Variants in RNF6 observed in about 807,000 individuals in gnomAD.
The protein encoded by RNF6 is ring finger protein 6.
RNF6 carries 21 observed loss-of-function variants against 50.1 expected under a neutral mutation model. The observed-to-expected ratio is 0.42, with a 90% CI of 0.30 to 0.60. The LOEUF is 0.60. RNF6 is among the 20% of genes least tolerant of loss of function. RNF6 has a pLI of 0.20. For missense variants in RNF6, 698 were observed against 838.2 expected (o/e 0.83, Z 2.07); for synonymous variants, 255 against 291.8 (o/e 0.87, Z 1.29).
Position 26,214,711 on chromosome 13 carries a change from C to T in RNF6, c.1171G>A (p.Val391Ile), listed in dbSNP as rs1318922119. ...AGTGTGATTGTTGGATGTCGTCGTA[C>T]AGCAGTTGAGGATCTGCTGGATTCT... is the stretch of plus-strand genomic sequence containing the variant. ...GEESSRSSTAVRRHPTITLDL... is the reference protein window; with the variant it reads ...GEESSRSSTAIRRHPTITLDL... Residue 391 changes from valine to isoleucine, a missense_variant, in exon 5 of 5, where the codon GTA (valine) becomes ATA (isoleucine). Val to Ile is a conservative substitution (Grantham distance 29). Transcript: ENST00000381588. 1 of 1,614,106 alleles carries T rather than the reference C, an allele frequency of 6.2e-7. No individual in the cohort carries two copies. The highest frequency in any genetic ancestry group is 1.3e-5 in the African/African-American group (1 of 74,940).
At chr13:26,147,962 T>C (rs1201185832) in intron 5 of RNF6, among the ~76,000 whole-genome samples, 2 of 152,294 alleles carry the variant, frequency 1.3e-5, no homozygotes, top group Non-Finnish European at 2.9e-5. Context: ...GAGTGATATA[T>C]AGTGTATTAG....
At chr13:26,189,925 C>T (rs191420935) in intron 5 of RNF6, among the ~76,000 whole-genome samples, 2 of 152,270 alleles carry the variant, frequency 1.3e-5, no homozygotes, top group Admixed American at 1.3e-4. Flanking sequence ...GGAAAATAGC[C>T]TTAAAGATCA....
At position 26,173,256 on chromosome 13, in the gene RNF6, G is replaced by A. The variant is rs373866676; in HGVS notation, n.769-40805C>T. ...CTCATACATGTATGCAAGAAGTTAC[G>A]AACAAAGATATGCATTTCAGCCGTG... On this transcript the variant is annotated intron_variant and non_coding_transcript_variant, in intron 5 of 5. Transcript: ENST00000468480. 6.0e-4 allele frequency among the ~76,000 whole-genome samples: 92 copies of A among 152,278 alleles called. 1 individual carries two copies. The highest frequency in any genetic ancestry group is 2.1e-3 in the African/African-American group (86 of 41,572).
intron 5 of RNF6, among the ~76,000 whole-genome samples, chr13:26,168,290 T>A (rs1050926915): frequency 6.6e-6 from 1 of 152,178 alleles, no homozygotes; most frequent in Middle Eastern, 3.2e-3. Flanking sequence ...TGCTTGGTAA[T>A]GGCTATGAAC....
intron 1 of RNF6, 64 bp downstream of exon 1, chr13:26,221,939 G>C (rs1870551651): frequency 6.6e-6 from 1 of 152,582 alleles, no homozygotes; most frequent in Admixed American, 6.5e-5. Context: ...CTCGAAGGAT[G>C]GCCTGCTTTC....
chr13:26,174,721 C>T (rs1023930137), intron 5 of RNF6, among the ~76,000 whole-genome samples: 6 of 152,146 alleles, frequency 3.9e-5, no homozygotes, highest in East Asian at 1.9e-4. Context: ...TGTTGCCACT[C>T]GGCACAAACG....
intron 5 of RNF6, among the ~76,000 whole-genome samples, chr13:26,151,542 C>T (rs1247606172): frequency 6.6e-6 from 1 of 151,980 alleles, no homozygotes; most frequent in Non-Finnish European, 1.5e-5. Flanking sequence ...GGATTATAGG[C>T]GCGAGCCACC....
intron 5 of RNF6, among the ~76,000 whole-genome samples, chr13:26,203,109 C>T (rs1195627989): frequency 6.6e-6 from 1 of 152,208 alleles, no homozygotes; most frequent in Admixed American, 6.5e-5. Context: ...GGGCCATGAG[C>T]TGACATCTGT....
chr13:26,179,987 C>T (rs905596129), intron 5 of RNF6, among the ~76,000 whole-genome samples: 7 of 152,120 alleles, frequency 4.6e-5, no homozygotes, highest in African/African-American at 9.7e-5. Flanking sequence ...CTGCAGCCAG[C>T]GACCCTGCTT....
intron 5 of RNF6, among the ~76,000 whole-genome samples, chr13:26,198,663 A>T (rs974106973): frequency 2.6e-5 from 4 of 151,678 alleles, no homozygotes; most frequent in Non-Finnish European, 2.9e-5. Context: ...TTAAAAAGTT[A>T]AAAAAAACCA....
chr13:26,191,483 CCCA>C (rs1365329033), intron 5 of RNF6, among the ~76,000 whole-genome samples: 2 of 151,910 alleles, frequency 1.3e-5, no homozygotes, highest in Non-Finnish European at 2.9e-5. Flanking sequence ...AATTGTAATC[CCCA>C]CATGTCAAGG....
chr13:26,184,018 A>ATTTT (rs1169961717), intron 5 of RNF6, among the ~76,000 whole-genome samples: 1 of 33,942 alleles, frequency 2.9e-5, no homozygotes, highest in African/African-American at 9.3e-5. Context: ...ATATATATAT[A>ATTTT]TTTTTTTTTT....
downstream of RNF6, among the ~76,000 whole-genome samples, chr13:26,211,357 T>C (rs886602684): frequency 6.6e-6 from 1 of 152,248 alleles, no homozygotes; most frequent in African/African-American, 2.4e-5. Context: ...AATATGCCTT[T>C]ATTTTTTCTG....
intron 5 of RNF6, among the ~76,000 whole-genome samples, chr13:26,138,749 T>A (rs982893457): frequency 1.3e-5 from 2 of 152,158 alleles, no homozygotes; most frequent in African/African-American, 4.8e-5. Context: ...CTAAAAAATA[T>A]GTAGTTAAAG....
At chr13:26,211,556 A>G (rs1393243313), downstream of RNF6, among the ~76,000 whole-genome samples, 2 of 152,196 alleles carry the variant, frequency 1.3e-5, no homozygotes, top group Non-Finnish European at 2.9e-5. Context: ...GAGGAGTTCC[A>G]GACTAGCCTG....
chr13:26,137,474 C>G (rs1055821627), intron 5 of RNF6, among the ~76,000 whole-genome samples: 1 of 151,866 alleles, frequency 6.6e-6, no homozygotes, highest in East Asian at 1.9e-4. Context: ...TTCCCATTCA[C>G]TGAGATAAAA....
chr13:26,173,117 C>T (rs1231647478), intron 5 of RNF6, among the ~76,000 whole-genome samples: 1 of 152,148 alleles, frequency 6.6e-6, no homozygotes, highest in Non-Finnish European at 1.5e-5. Context: ...GAGGTAGAAA[C>T]CGGCAGAGTA....
intron 5 of RNF6, among the ~76,000 whole-genome samples, chr13:26,134,897 T>C (rs531192561): frequency 5.3e-5 from 8 of 152,288 alleles, no homozygotes; most frequent in African/African-American, 1.7e-4. Context: ...ATTTATATTA[T>C]TTTTAAAAAG....
chr13:26,150,044 A>C (rs571926138), intron 5 of RNF6, among the ~76,000 whole-genome samples: 33 of 90,568 alleles, frequency 3.6e-4, no homozygotes, highest in Admixed American at 3.2e-3. Flanking sequence ...TGTATATATA[A>C]TGTGTATATA....
Sources: gnomAD v4.1 joint callset for allele counts (sites outside exome capture counted in the v4.1 genomes callset) on GRCh38, gnomAD v4.1.1 for gene constraint, MANE v1.5 for transcripts, NCBI Gene and HGNC (gene_info 2026-07-23, HGNC 2026-07-21) for gene names.